STS: variants seen among roughly 807,000 people sequenced by gnomAD.
STS encodes the protein steryl-sulfatase.
In STS, 7 loss-of-function variants were observed where a neutral mutation model predicts 26.8. That is an observed-to-expected ratio of 0.26 (90% CI 0.15 to 0.49). STS has a LOEUF of 0.49. STS is among the 20% of genes least tolerant of loss of function. The pLI, the probability that STS is intolerant of heterozygous loss-of-function variation, is 0.98. For synonymous variants in STS, 199 were observed against 189.4 expected, an observed-to-expected ratio of 1.05 and a Z score of -0.42; for missense variants, 434 against 465.6, an observed-to-expected ratio of 0.93 and a Z score of 0.63.
In STS at chrX:7,253,322, G is replaced by A; in HGVS notation, c.123G>A (p.Gly41=). 3.3e-6 allele frequency: 4 copies of A among 1,211,416 alleles called. No homozygotes were observed. The highest frequency in any genetic ancestry group is 4.5e-6 in the Non-Finnish European group (4 of 895,375). The change falls in exon 3 of 11, where the codon GGG becomes GGA. Residue 41 remains glycine (G), a synonymous_variant. Transcript: ENST00000674429. ...GCATTGGAGATCCTGGGTGCTATGG[G>A]AACAAAACTATCAGGTTGGTAATGC... ...DLGIGDPGCY[G]NKTIRTPNID...
rs1341577550 is a variant in STS at position 7,259,647 on chromosome X, C to A, written c.681C>A (p.Gly227=). ...LAALILTLFL[G]FLHYFRPLNC... is the part of the protein sequence containing the mutation. ...CCCTAATCCTGACCCTTTTCTTGGG[C>A]TTCCTTCATTACTTCCGGCCCCTGA... is the stretch of plus-strand genomic sequence containing the variant. Residue 227 remains glycine, a synonymous_variant, in exon 6 of 11, where the codon GGC becomes GGA. Transcript: ENST00000674429. 8.3e-7 allele frequency: 1 copy of A among 1,209,021 alleles called. No individual in the cohort carries two copies.
In STS at chrX:7,275,943, T is replaced by C; in HGVS notation, c.807-8T>C. The C allele has an allele frequency of 8.7e-7, 1 of 1,155,739 alleles. No homozygotes were observed. Among genetic ancestry groups the C allele is most frequent in the Non-Finnish European group, 1.1e-6 (1 of 870,455 alleles). On this transcript the variant is annotated splice_region_variant and splice_polypyrimidine_tract_variant and intron_variant, in intron 6 of 10. Coordinates refer to ENST00000674429, the MANE Select transcript of STS (RefSeq NM_001320752.2). ...TTTTTTCCTCCCTTTTTTTTTTTTT[T>C]TTTGCAGGAACACTGAGACTCCGTT...
intron 8 of STS, among the ~76,000 whole-genome samples, chrX:7,325,062 G>A (rs1371531725): frequency 8.9e-6 from 1 of 111,755 alleles, no homozygotes; most frequent in Non-Finnish European, 1.9e-5. Context: ...AATCTTTGGT[G>A]ACTCAAATCT....
At chrX:7,323,114 A>G (rs1043751984) in intron 8 of STS, among the ~76,000 whole-genome samples, 3 of 112,048 alleles carry the variant, frequency 2.7e-5, no homozygotes, top group Admixed American at 9.5e-5. Context: ...CATAGTGGGA[A>G]TATGAGATAC....
chrX:7,254,656 T>C (rs1312247447), intron 3 of STS, among the ~76,000 whole-genome samples: 2 of 101,845 alleles, frequency 2.0e-5, no homozygotes, highest in African/African-American at 7.3e-5. Flanking sequence ...ATCTCGGGGA[T>C]CACTGCAATC....
chrX:7,277,165 A>G (rs1402006674), intron 7 of STS, among the ~76,000 whole-genome samples: 1 of 111,874 alleles, frequency 8.9e-6, no homozygotes, highest in African/African-American at 3.3e-5. Context: ...TTACTTTTAC[A>G]TTGCTGGGCT....
At chrX:7,326,043 G>A (rs944362211) in intron 9 of STS, among the ~76,000 whole-genome samples, 1 of 111,788 alleles carries the variant, frequency 8.9e-6, no homozygotes, top group Non-Finnish European at 1.9e-5. Flanking sequence ...GGGATCAGGG[G>A]TTTTGGTTCT....
chrX:7,258,246 TGATA>T (rs751748421), intron 5 of STS, among the ~76,000 whole-genome samples: 2 of 100,605 alleles, frequency 2.0e-5, no homozygotes, highest in African/African-American at 3.6e-5. Context: ...AAATAGATGA[TGATA>T]GATATGATAG....
intron 2 of STS, among the ~76,000 whole-genome samples, chrX:7,199,314 T>A (rs1282015754): frequency 8.9e-6 from 1 of 111,747 alleles, no homozygotes; most frequent in African/African-American, 3.2e-5. Context: ...TAATTTAGGG[T>A]CACAGCCTTC....
chrX:7,263,195 A>C (rs186051940), intron 6 of STS, among the ~76,000 whole-genome samples: 3 of 111,232 alleles, frequency 2.7e-5, no homozygotes, highest in Admixed American at 9.5e-5. Context: ...CAGCCTCTGA[A>C]GTAGCTGGGA....
intron 7 of STS, among the ~76,000 whole-genome samples, chrX:7,283,045 G>A (rs1209730982): frequency 8.9e-6 from 1 of 112,287 alleles, no homozygotes; most frequent in Non-Finnish European, 1.9e-5. Context: ...AAAAGCCCAT[G>A]TTCTATTTGA....
chrX:7,304,143 C>T (rs1346556484), intron 7 of STS, among the ~76,000 whole-genome samples: 1 of 111,669 alleles, frequency 9.0e-6, no homozygotes, highest in East Asian at 2.8e-4. Context: ...AGTTTTCAAT[C>T]AGATTTAATT....
intron 7 of STS, among the ~76,000 whole-genome samples, chrX:7,278,065 G>T (rs1429616380): frequency 8.9e-6 from 1 of 112,281 alleles, no homozygotes; most frequent in African/African-American, 3.2e-5. Flanking sequence ...CTCACTACTA[G>T]TTCCTCTAAA....
chrX:7,305,118 G>A lies in STS; in HGVS notation c.1016G>A (p.Gly339Glu). The A allele has an allele frequency of 8.3e-7, 1 of 1,211,022 alleles. No homozygotes were observed. The highest frequency in any genetic ancestry group is 1.1e-6 in the Non-Finnish European group (1 of 894,876). The change falls in exon 8 of 11, where the codon GGA (glycine) becomes GAA (glutamate). Residue 339 changes from glycine to glutamate, a missense_variant. Gly to Glu is a moderately conservative substitution (Grantham distance 98). Coordinates refer to ENST00000674429, the MANE Select transcript of STS (RefSeq NM_001320752.2). Reference protein sequence around the residue: ...DTLIYFTSDQGAHVEEVSSKG... With the variant: ...DTLIYFTSDQEAHVEEVSSKG... ...CTCATCTACTTCACATCGGACCAGG[G>A]AGCACATGTAGAAGAAGTGTCTTCC...
rs748174656 is a variant in STS, at chrX:7,325,368, A to T, written c.1111A>T (p.Ile371Phe). The T allele has an allele frequency of 1.7e-6, 2 of 1,211,415 alleles. No homozygotes were observed. The highest frequency in any genetic ancestry group is 2.2e-5 in the Admixed American group (1 of 46,026). The change falls in exon 9 of 11, where the codon ATC becomes TTC. Residue 371 changes from isoleucine (I) to phenylalanine (F), a missense_variant. Physicochemically the swap from Ile to Phe is conservative, Grantham distance 21 (BLOSUM62 0). Coordinates refer to ENST00000674429, the MANE Select transcript of STS (RefSeq NM_001320752.2). ...GGKANNWEGGIRVPGILRWPR... is the reference protein window; with the variant it reads ...GGKANNWEGGFRVPGILRWPR... ...AAAAGCAAACAACTGGGAAGGAGGT[A>T]TCCGGGTTCCAGGCATCCTTCGTTG...
intron 1 of STS, among the ~76,000 whole-genome samples, chrX:7,163,409 C>T (rs1415056523): frequency 1.8e-5 from 2 of 112,468 alleles, no homozygotes; most frequent in East Asian, 2.8e-4. Context: ...GCTCTTTTTC[C>T]AGCTGGCCAG....
chrX:7,241,069 T>C (rs1171496345), intron 2 of STS, among the ~76,000 whole-genome samples: 1 of 111,324 alleles, frequency 9.0e-6, no homozygotes, highest in Non-Finnish European at 1.9e-5. Flanking sequence ...AGTCAGACTT[T>C]TGCATGGAAA....
At chrX:7,299,089 AT>A (rs1415762435) in intron 7 of STS, among the ~76,000 whole-genome samples, 5 of 95,003 alleles carry the variant, frequency 5.3e-5, no homozygotes, top group African/African-American at 1.2e-4. Context: ...TTTTATAATA[AT>A]TATGTTATAT....
At chrX:7,224,041 C>T (rs1401240499) in intron 2 of STS, among the ~76,000 whole-genome samples, 3 of 111,229 alleles carry the variant, frequency 2.7e-5, no homozygotes, top group Non-Finnish European at 5.7e-5. Context: ...TCCCATCTGC[C>T]TTGGAAGTTG....
Sources: gnomAD v4.1 joint callset for allele counts (sites outside exome capture counted in the v4.1 genomes callset) on GRCh38, gnomAD v4.1.1 for gene constraint, MANE v1.5 for transcripts, NCBI Gene and HGNC (gene_info 2026-07-23, HGNC 2026-07-21) for gene names.